RHD: variants seen among roughly 807,000 people sequenced by gnomAD.
RHD encodes blood group Rh(D) polypeptide.
RHD carries 16 observed loss-of-function variants against 45.5 expected under a neutral mutation model. That is an observed-to-expected ratio of 0.35 (90% confidence interval 0.24 to 0.53). The LOEUF (loss-of-function observed/expected upper bound fraction) is 0.53, where lower values mean the gene tolerates loss of function less well. Ranked by LOEUF, RHD falls within the 20% of genes least tolerant of loss-of-function variation. The pLI, the probability that RHD is intolerant of heterozygous loss-of-function variation, is 0.92. For missense variants in RHD, 306 were observed against 532.0 expected (o/e 0.58, Z 4.18); for synonymous variants, 131 against 217.5 (o/e 0.60, Z 3.50).
At position 25,329,657 on chromosome 1, in the gene RHD, T is replaced by C. The variant is rs1471335995; in HGVS notation, c.*733T>C. 2 of 131,176 alleles carry C rather than the reference T, an allele frequency of 1.5e-5. No homozygotes were observed. Among genetic ancestry groups the C allele is most frequent in the African/African-American group, 5.2e-5 (2 of 38,182 alleles). 8.1% of individuals were successfully genotyped at this position (131,176 alleles called of 1,614,324 possible). A position where few individuals can be genotyped will look rare whatever the true frequency, so the allele number is the denominator to read the frequency against. Reference sequence around the variant, plus strand: ...TATACCACTAGAGTCTTCAGATTTTTATACTTTTTTTTTTTGAAACGGAGT... The same window carrying C: ...TATACCACTAGAGTCTTCAGATTTTCATACTTTTTTTTTTTGAAACGGAGT... On this transcript the variant is annotated 3_prime_UTR_variant, in exon 10 of 10. Transcript: ENST00000328664.
chr1:25,320,964 AC>A (rs1644665962), intron 8 of RHD, among the ~76,000 whole-genome samples: 1 of 130,150 alleles, frequency 7.7e-6, no homozygotes, highest in African/African-American at 2.6e-5. Context: ...GGGTTGCTTG[AC>A]CCCGGGAGTT....
chr1:25,321,808 G>C lies in RHD; in HGVS notation c.1154-81G>C, dbSNP rs1229650123. On this transcript the variant is annotated intron_variant, in intron 8 of 9. Transcript: ENST00000328664. ...ATTTCTGTTGAGATACTGTCGTTTT[G>C]ACACACAATATTTCGATTAATCTTG... The C allele has an allele frequency of 9.9e-6, 7 of 707,260 alleles. 2 individuals are homozygous for C. In the African/African-American group the frequency reaches 1.0e-4, roughly 10 times the overall value. 43.8% of individuals were successfully genotyped at this position (707,260 alleles called of 1,614,324 possible). A position where few individuals can be genotyped will look rare whatever the true frequency, so the allele number is the denominator to read the frequency against.
intron 1 of RHD, among the ~76,000 whole-genome samples, chr1:25,281,101 A>G (rs1641455473): frequency 7.5e-6 from 1 of 132,622 alleles, no homozygotes; most frequent in South Asian, 2.3e-4. Flanking sequence ...GGACTTGCCT[A>G]AGATCACTTA....
Position 25,306,580 on chromosome 1 carries a change from T to C in RHD, c.940-16T>C, listed in dbSNP as rs1188360231. The C allele has an allele frequency of 7.3e-6, 10 of 1,376,996 alleles. 1 individual carries two copies. The highest frequency in any genetic ancestry group is 4.3e-5 in the African/African-American group (3 of 70,200). 85.3% of individuals were successfully genotyped at this position (1,376,996 alleles called of 1,614,324 possible). On this transcript the variant is annotated splice_polypyrimidine_tract_variant and intron_variant, in intron 6 of 9. Transcript: ENST00000328664. ...GTCTCACCTGCCAATCTGCTTATAA[T>C]AACACTTGTCCACAGGGGTGTTGTA...
chr1:25,321,291 G>A lies in RHD; in HGVS notation c.1154-598G>A, dbSNP rs140096164. Among the ~76,000 whole-genome samples, 656 of 121,528 alleles carry A rather than the reference G, an allele frequency of 5.4e-3. 153 individuals are homozygous for A. Among genetic ancestry groups the A allele is most frequent in the Non-Finnish European group, 9.3e-3 (481 of 51,804 alleles). 79.7% of individuals were successfully genotyped at this position (121,528 alleles called of 152,430 possible). On this transcript the variant is annotated intron_variant, in intron 8 of 9. Transcript: ENST00000328664. ...CCTTTTACTCCATCTGGGGAAGGGC[G>A]TCAGATCTGTGGCTCTCATGTACTG...
At chr1:25,283,009 ATCTC>A (rs1030775589) in intron 1 of RHD, among the ~76,000 whole-genome samples, 1 of 132,806 alleles carries the variant, frequency 7.5e-6, no homozygotes, top group South Asian at 2.3e-4. Context: ...ATTCTTCAAG[ATCTC>A]TCTCTCTCCA....
At chr1:25,318,365 A>G (rs1288375356) in intron 8 of RHD, 1 of 131,936 alleles carries the variant, frequency 7.6e-6, no homozygotes, top group African/African-American at 2.6e-5. Flanking sequence ...AGACAGGTAG[A>G]TCACTTGAGG....
intron 7 of RHD, among the ~76,000 whole-genome samples, chr1:25,314,811 TA>T: frequency 7.6e-6 from 1 of 132,368 alleles, no homozygotes; most frequent in South Asian, 2.3e-4. Flanking sequence ...GCCCACCTTT[TA>T]CTTTCTTAAT....
At position 25,286,513 on chromosome 1, in the gene RHD, G is replaced by A. The variant is rs532499389; in HGVS notation, c.335+1754G>A. On this transcript the variant is annotated intron_variant, in intron 2 of 9. Coordinates refer to ENST00000328664, the MANE Select transcript of RHD (RefSeq NM_016124.6). ...CAAAAAACAGTTTTAGGGGCCGGGCGCAGTGGTTCATGCCTGTAATCCCAG... is the reference window on the plus strand; with the variant it reads ...CAAAAAACAGTTTTAGGGGCCGGGCACAGTGGTTCATGCCTGTAATCCCAG... Among the ~76,000 whole-genome samples, 27 of 135,058 alleles carry A rather than the reference G, an allele frequency of 2.0e-4. 4 individuals carry two copies. The highest frequency in any genetic ancestry group is 8.8e-4 in the South Asian group (4 of 4,540). The allele number at this position is 135,058 out of a possible 152,430, so 88.6% of individuals were successfully genotyped here.
Position 25,300,864 on chromosome 1 carries a change from C to A in RHD, c.487-82C>A, listed in dbSNP as rs1162437641. 3.0e-6 allele frequency: 4 copies of A among 1,317,094 alleles called. 1 individual carries two copies. Among genetic ancestry groups the A allele is most frequent in the Non-Finnish European group, 4.3e-6 (4 of 927,982 alleles). 81.6% of individuals were successfully genotyped at this position (1,317,094 alleles called of 1,614,324 possible). A position where few individuals can be genotyped will look rare whatever the true frequency, so the allele number is the denominator to read the frequency against. On this transcript the variant is annotated intron_variant, in intron 3 of 9. Coordinates refer to ENST00000328664, the MANE Select transcript of RHD (RefSeq NM_016124.6). ...CAAGTCACACCTCCTAAGTGAAGCTCTGAACTTTCTCCAAGGACTATCAGG... is the reference window on the plus strand; with the variant it reads ...CAAGTCACACCTCCTAAGTGAAGCTATGAACTTTCTCCAAGGACTATCAGG...
At position 25,321,723 on chromosome 1, in the gene RHD, A is replaced by G. The variant is rs1644720169; in HGVS notation, c.1154-166A>G. 3.4e-5 allele frequency among the ~76,000 whole-genome samples: 2 copies of G among 59,290 alleles called. 1 individual carries two copies. The highest frequency in any genetic ancestry group is 7.8e-5 in the African/African-American group (2 of 25,742). 38.9% of individuals were successfully genotyped at this position (59,290 alleles called of 152,430 possible). ...TAAAATAAAATAGGCTACAGAATTAAGCTGGTCCAGGAATGACAGGGCTTC... is the reference window on the plus strand; with the variant it reads ...TAAAATAAAATAGGCTACAGAATTAGGCTGGTCCAGGAATGACAGGGCTTC... On this transcript the variant is annotated intron_variant, in intron 8 of 9. Transcript: ENST00000328664.
At position 25,310,724 on chromosome 1, in the gene RHD, C is replaced by A. The variant is rs1182833532; in HGVS notation, c.1073+3995C>A. On this transcript the variant is annotated intron_variant, in intron 7 of 9. Transcript: ENST00000328664. ...CGGTGTCTCAGGCTTATAATCCCAG[C>A]ACTTTGGGAGGCCAAAGCAGGTGGA... 1.1e-4 allele frequency among the ~76,000 whole-genome samples: 15 copies of A among 132,556 alleles called. 5 individuals carry two copies. The highest frequency in any genetic ancestry group is 1.1e-3 in the Admixed American group (15 of 13,502). The allele number at this position is 132,556 out of a possible 152,430, so 87.0% of individuals were successfully genotyped here.
chr1:25,322,385 A>C (rs1644759439), intron 9 of RHD, among the ~76,000 whole-genome samples: 1 of 133,232 alleles, frequency 7.5e-6, no homozygotes, highest in Non-Finnish European at 1.8e-5. Flanking sequence ...TCAAGATCTT[A>C]CAACTGGCTG....
rs774209147 is a variant in RHD, at chr1:25,272,706, A to G, written c.148+11A>G. 1.9e-5 allele frequency: 26 copies of G among 1,385,690 alleles called. 7 individuals are homozygous for G. The highest frequency in any genetic ancestry group is 4.2e-5 in the African/African-American group (3 of 71,270). The allele number at this position is 1,385,690 out of a possible 1,614,324, so 85.8% of individuals were successfully genotyped here. A position where few individuals can be genotyped will look rare whatever the true frequency, so the allele number is the denominator to read the frequency against. On this transcript the variant is annotated intron_variant, in intron 1 of 9. Coordinates refer to ENST00000328664, the MANE Select transcript of RHD (RefSeq NM_016124.6). ...TGGCATCCTATCAAGGTGAGAGTTC[A>G]TTGGAAAAGTGGTCACAGGAGCAAA...
rs923525706 is a variant in RHD, at chr1:25,285,796, C to T, written c.335+1037C>T. Reference sequence around the variant, plus strand: ...AAACATTGTTTTGTTTTGTTCAAACCTCTGAATCCCTGTGCTGCCCAGATG... The same window carrying T: ...AAACATTGTTTTGTTTTGTTCAAACTTCTGAATCCCTGTGCTGCCCAGATG... On this transcript the variant is annotated intron_variant, in intron 2 of 9. Transcript: ENST00000328664. 1.3e-4 allele frequency among the ~76,000 whole-genome samples: 18 copies of T among 134,978 alleles called. 1 individual carries two copies. Among genetic ancestry groups the T allele is most frequent in the African/African-American group, 4.6e-4 (18 of 38,956 alleles). 88.6% of individuals were successfully genotyped at this position (134,978 alleles called of 152,430 possible).
At position 25,286,252 on chromosome 1, in the gene RHD, A is replaced by G. The variant is rs1171025232; in HGVS notation, c.335+1493A>G. 4.4e-5 allele frequency among the ~76,000 whole-genome samples: 6 copies of G among 135,270 alleles called. 1 individual carries two copies. In the East Asian group the frequency reaches 7.7e-4, roughly 17 times the overall value. 88.7% of individuals were successfully genotyped at this position (135,270 alleles called of 152,430 possible). A position where few individuals can be genotyped will look rare whatever the true frequency, so the allele number is the denominator to read the frequency against. On this transcript the variant is annotated intron_variant, in intron 2 of 9. Transcript: ENST00000328664. ...ACCTGTAATCCCAGTACTTTTGGGAACCGAGGTGGGCAGATCACTTGAGCC... is the reference window on the plus strand; with the variant it reads ...ACCTGTAATCCCAGTACTTTTGGGAGCCGAGGTGGGCAGATCACTTGAGCC...
At position 25,306,611 on chromosome 1, in the gene RHD, G is replaced by A. The variant is rs1304848745; in HGVS notation, c.955G>A (p.Val319Met). Residue 319 changes from valine (V) to methionine (M), a missense_variant, in exon 7 of 10, where the codon GTG becomes ATG. Physicochemically the swap from Val to Met is conservative, Grantham distance 21. Transcript: ENST00000328664. ...AKYLPGCCNRVLGIPHSSIMG... is the reference protein window; with the variant it reads ...AKYLPGCCNRMLGIPHSSIMG... ...TTGTCCACAGGGGTGTTGTAACCGA[G>A]TGCTGGGGATTCCCCACAGCTCCAT... is the stretch of plus-strand genomic sequence containing the variant. The A allele has an allele frequency of 7.3e-6, 10 of 1,378,394 alleles. 4 individuals carry two copies. The highest frequency in any genetic ancestry group is 1.0e-5 in the Non-Finnish European group (10 of 978,830). The allele number at this position is 1,378,394 out of a possible 1,614,324, so 85.4% of individuals were successfully genotyped here. A position where few individuals can be genotyped will look rare whatever the true frequency, so the allele number is the denominator to read the frequency against.
intron 3 of RHD, among the ~76,000 whole-genome samples, chr1:25,297,756 T>C (rs1643071335): frequency 7.6e-6 from 1 of 132,060 alleles, no homozygotes; most frequent in South Asian, 2.3e-4. Context: ...AGGAAGAAAA[T>C]GTCAGCAGAG....
rs1486336375 is a variant in RHD at position 25,272,841 on chromosome 1, G to A, written c.148+146G>A. On this transcript the variant is annotated intron_variant, in intron 1 of 9. Coordinates refer to ENST00000328664, the MANE Select transcript of RHD (RefSeq NM_016124.6). ...CCCATCTTCTTCCGTAGATTGCACC[G>A]AAATTCAGCCAACAATGTAAGCTTT... The A allele has an allele frequency of 1.9e-4, 204 of 1,064,886 alleles. 26 individuals carry two copies. The African/African-American group carries it at 2.5e-3, about 13-fold the overall frequency. The allele number at this position is 1,064,886 out of a possible 1,614,324, so 66.0% of individuals were successfully genotyped here.
Sources: allele counts gnomAD v4.1 joint callset (sites outside exome capture counted in the v4.1 genomes callset), GRCh38; gene constraint gnomAD v4.1.1; transcripts MANE v1.5; gene names NCBI Gene and HGNC (gene_info 2026-07-23, HGNC 2026-07-21).